FAM168A: variants seen among roughly 807,000 people sequenced by gnomAD.
The protein encoded by FAM168A is protein FAM168A.
A neutral mutation model predicts 28.5 loss-of-function variants in FAM168A; 3 were observed. The observed-to-expected ratio is 0.11, with a 90% CI of 0.05 to 0.27. FAM168A has a LOEUF of 0.27. Ranked by LOEUF, FAM168A falls within the 10% of genes least tolerant of loss-of-function variation. FAM168A has a pLI of 1.00. For missense variants in FAM168A, 222 were observed against 311.5 expected, an observed-to-expected ratio of 0.71 and a Z score of 2.16; for synonymous variants, 122 against 124.2, an observed-to-expected ratio of 0.98 and a Z score of 0.12.
intron 1 of FAM168A, among the ~76,000 whole-genome samples, chr11:73,517,221 TA>T (rs140377379): frequency 0.014 from 2,179 of 152,294 alleles, 49 homozygotes; most frequent in African/African-American, 0.05. Flanking sequence ...AGCTAATTTT[TA>T]AATTTTTTGT....
intron 1 of FAM168A, among the ~76,000 whole-genome samples, chr11:73,593,199 G>C (rs930320509): frequency 6.6e-6 from 1 of 152,090 alleles, no homozygotes; most frequent in African/African-American, 2.4e-5. Context: ...AGAGAAGATG[G>C]GAGATTCAAT....
intron 1 of FAM168A, among the ~76,000 whole-genome samples, chr11:73,588,497 C>T (rs1944342816): frequency 6.6e-6 from 1 of 152,046 alleles, no homozygotes; most frequent in Non-Finnish European, 1.5e-5. Context: ...TGGAGACCAG[C>T]CTGGGCAACA....
chr11:73,568,047 CTG>C (rs1944042827), intron 1 of FAM168A, among the ~76,000 whole-genome samples: 1 of 152,176 alleles, frequency 6.6e-6, no homozygotes, highest in African/African-American at 2.4e-5. Flanking sequence ...TGTAAGGAAA[CTG>C]AGCAAGACAA....
intron 3 of FAM168A, among the ~76,000 whole-genome samples, chr11:73,423,932 G>A (rs910932876): frequency 8.5e-5 from 13 of 152,316 alleles, no homozygotes; most frequent in African/African-American, 2.9e-4. Context: ...ATAACTGGAA[G>A]GGGAAGAATG....
chr11:73,475,736 C>T (rs1055398342), intron 1 of FAM168A, among the ~76,000 whole-genome samples: 2 of 152,096 alleles, frequency 1.3e-5, no homozygotes, highest in Non-Finnish European at 2.9e-5. Context: ...GCATTTTACC[C>T]TGGGGCTGCC....
At chr11:73,496,101 C>A (rs977344428) in intron 1 of FAM168A, among the ~76,000 whole-genome samples, 2 of 152,138 alleles carry the variant, frequency 1.3e-5, no homozygotes, top group Admixed American at 1.3e-4. Flanking sequence ...TACACACAAC[C>A]TGCACCCACA....
intron 2 of FAM168A, among the ~76,000 whole-genome samples, chr11:73,437,400 CTTT>C (rs747204512): frequency 5.3e-4 from 55 of 103,520 alleles, no homozygotes; most frequent in South Asian, 1.3e-3. Context: ...CCCGGCCACT[CTTT>C]TTTTTTTTTT....
intron 3 of FAM168A, among the ~76,000 whole-genome samples, chr11:73,428,868 A>G (rs1342247905): frequency 6.6e-6 from 1 of 152,160 alleles, no homozygotes; most frequent in Non-Finnish European, 1.5e-5. Context: ...CAGCTTCCTC[A>G]AGTTTGAATC....
intron 3 of FAM168A, among the ~76,000 whole-genome samples, chr11:73,426,703 CTGTGTGTGTG>C (rs34499254): frequency 4.2e-5 from 6 of 144,204 alleles, no homozygotes; most frequent in Admixed American, 2.8e-4. Flanking sequence ...CCAAAATATG[CTGTGTGTGTG>C]TGTGTGTGTG....
chr11:73,589,730 C>T (rs2134746135), intron 1 of FAM168A, among the ~76,000 whole-genome samples: 1 of 152,228 alleles, frequency 6.6e-6, no homozygotes, highest in Non-Finnish European at 1.5e-5. Flanking sequence ...AGTTCAAGAC[C>T]AGCCTGGGCA....
In FAM168A at chr11:73,407,548, C is replaced by A. The variant is rs752569750; in HGVS notation, c.691G>T (p.Val231Leu). 3.3e-5 allele frequency: 52 copies of A among 1,594,292 alleles called. No individual in the cohort carries two copies. In the Admixed American group the frequency reaches 8.2e-4, roughly 25 times the overall value. The change falls in exon 7 of 8, where the codon GTG becomes TTG. Residue 231 changes from valine (V) to leucine (L), a missense_variant. By Grantham distance (32) the Val-to-Leu change is conservative. This residue lies in a region of FAM168A where 64 missense variants were observed against 94.6 expected (regional missense o/e 0.68). Coordinates refer to ENST00000356467, the MANE Select transcript of FAM168A (RefSeq NM_015159.3). The part of the protein sequence containing the change: ...RAQGTPAYSY[V>L]PPHW ...TGCAGGCTTTACCAGTGTGGGGGCACGTAGCTGTACGCAGGGGTTCCTTGG... is the reference window on the plus strand; with the variant it reads ...TGCAGGCTTTACCAGTGTGGGGGCAAGTAGCTGTACGCAGGGGTTCCTTGG...
At chr11:73,551,940 G>C (rs1184961170) in intron 1 of FAM168A, among the ~76,000 whole-genome samples, 1 of 152,214 alleles carries the variant, frequency 6.6e-6, no homozygotes, top group African/African-American at 2.4e-5. Flanking sequence ...ACCCATGCTG[G>C]TACAAAAGGA....
chr11:73,558,602 CAA>C (rs374529606), intron 1 of FAM168A, among the ~76,000 whole-genome samples: 7 of 115,612 alleles, frequency 6.1e-5, no homozygotes, highest in African/African-American at 9.5e-5. Flanking sequence ...AACAAAAAGG[CAA>C]AAAAAAAAAA....
intron 1 of FAM168A, among the ~76,000 whole-genome samples, chr11:73,573,466 G>A (rs2134724407): frequency 6.6e-6 from 1 of 152,252 alleles, no homozygotes; most frequent in Admixed American, 6.5e-5. Flanking sequence ...CTGCCTCACA[G>A]TAGTACCACA....
rs565485649 is a variant in FAM168A, at chr11:73,405,636, C to T, written c.*1127G>A. ...ATGTTTATTGCTATTGCTTTTCCTT[C>T]ACTATCCTCACCTTCAGAGCTGCCA... is the stretch of plus-strand genomic sequence containing the variant. On this transcript the variant is annotated 3_prime_UTR_variant, in exon 8 of 8. Coordinates refer to ENST00000356467, the MANE Select transcript of FAM168A (RefSeq NM_015159.3). 6.6e-6 allele frequency: 1 copy of T among 152,350 alleles called. No individual in the cohort carries two copies. Among genetic ancestry groups the T allele is most frequent in the East Asian group, 1.9e-4 (1 of 5,190 alleles). The allele number at this position is 152,350 out of a possible 1,614,324, so 9.4% of individuals were successfully genotyped here.
chr11:73,579,193 A>C (rs944630052), intron 1 of FAM168A, among the ~76,000 whole-genome samples: 1 of 152,214 alleles, frequency 6.6e-6, no homozygotes, highest in African/African-American at 2.4e-5. Context: ...ACTGAGGATT[A>C]GGGTTTCAAC....
chr11:73,459,258 A>T (rs1345980029), intron 2 of FAM168A, among the ~76,000 whole-genome samples: 1 of 151,294 alleles, frequency 6.6e-6, no homozygotes, highest in African/African-American at 2.4e-5. Context: ...CAATTTTTAA[A>T]TTTTTTTTTG....
chr11:73,531,410 T>C (rs75986865), intron 1 of FAM168A, among the ~76,000 whole-genome samples: 2,158 of 152,228 alleles, frequency 0.014, 33 homozygotes, highest in African/African-American at 0.042. Context: ...CAAAGAGCAA[T>C]AGATATCAGA....
At chr11:73,494,719 T>G (rs1854835365) in intron 1 of FAM168A, among the ~76,000 whole-genome samples, 1 of 152,056 alleles carries the variant, frequency 6.6e-6, no homozygotes, top group East Asian at 1.9e-4. Context: ...GAAGTACACT[T>G]TTAGAAGAAG....
Sources: gnomAD v4.1 joint callset for allele counts (sites outside exome capture counted in the v4.1 genomes callset) on GRCh38, gnomAD v4.1.1 for gene constraint, gnomAD v4.1.1 regional missense constraint, MANE v1.5 for transcripts, NCBI Gene and HGNC (gene_info 2026-07-23, HGNC 2026-07-21) for gene names.